The following PIBF1 variants were observed in gnomAD, a reference collection of about 807,000 sequenced individuals.
The protein encoded by PIBF1 is progesterone-induced-blocking factor 1.
PIBF1 carries 90 observed loss-of-function variants against 112.5 expected under a neutral mutation model. The observed-to-expected ratio is 0.80, with a 90% CI of 0.67 to 0.95. PIBF1 has a LOEUF of 0.95. PIBF1 is among the 40% of genes least tolerant of loss of function. PIBF1 has a pLI of 0.00. For missense variants in PIBF1, 915 were observed against 852.3 expected, an observed-to-expected ratio of 1.07 and a Z score of -0.92; for synonymous variants, 301 against 288.6, an observed-to-expected ratio of 1.04 and a Z score of -0.44.
At chr13:72,990,725 G>A (rs902719449) in intron 16 of PIBF1, among the ~76,000 whole-genome samples, 2 of 151,136 alleles carry the variant, frequency 1.3e-5, no homozygotes, top group African/African-American at 4.9e-5. Context: ...GCACATGCCT[G>A]TAATCCCAGC....
intron 12 of PIBF1, among the ~76,000 whole-genome samples, chr13:72,914,042 T>A (rs2040995345): frequency 6.6e-6 from 1 of 152,142 alleles, no homozygotes; most frequent in Non-Finnish European, 1.5e-5. Flanking sequence ...GAGCACAGAC[T>A]TTTTTTAGTA....
At chr13:72,875,366 C>A (rs970941350) in intron 10 of PIBF1, among the ~76,000 whole-genome samples, 1 of 152,116 alleles carries the variant, frequency 6.6e-6, no homozygotes, top group African/African-American at 2.4e-5. Flanking sequence ...TATAAACATC[C>A]TTGTGCAGTT....
intron 12 of PIBF1, among the ~76,000 whole-genome samples, chr13:72,909,585 C>T (rs1320262073): frequency 6.6e-6 from 1 of 151,620 alleles, no homozygotes; most frequent in Non-Finnish European, 1.5e-5. Context: ...ACCTCTGCCT[C>T]CCGGTTTCAA....
intron 13 of PIBF1, among the ~76,000 whole-genome samples, chr13:72,923,992 T>C (rs1225394406): frequency 6.6e-6 from 1 of 152,138 alleles, no homozygotes. Context: ...AATAAAGATC[T>C]TAGGACTTGT....
intron 16 of PIBF1, among the ~76,000 whole-genome samples, chr13:72,995,783 C>G (rs967124897): frequency 1.3e-5 from 2 of 151,884 alleles, no homozygotes; most frequent in Non-Finnish European, 2.9e-5. Context: ...AACCCCGTCT[C>G]TATTAAAAAT....
intron 6 of PIBF1, among the ~76,000 whole-genome samples, chr13:72,822,540 T>G (rs1026404668): frequency 9.9e-5 from 15 of 152,190 alleles, no homozygotes; most frequent in Admixed American, 5.2e-4. Context: ...TATGAGATGT[T>G]GCTAATACGG....
intron 10 of PIBF1, among the ~76,000 whole-genome samples, chr13:72,880,001 T>G (rs1055473666): frequency 5.9e-5 from 9 of 152,196 alleles, no homozygotes; most frequent in African/African-American, 2.2e-4. Context: ...TTTGGTCCTT[T>G]ACAAAACATG....
At chr13:72,924,993 A>G (rs1028984976) in intron 13 of PIBF1, among the ~76,000 whole-genome samples, 1 of 152,202 alleles carries the variant, frequency 6.6e-6, no homozygotes, top group Non-Finnish European at 1.5e-5. Context: ...CTGGAGGACC[A>G]AGAAAAGGCA....
At chr13:72,820,880 A>G (rs890074842) in intron 5 of PIBF1, among the ~76,000 whole-genome samples, 5 of 152,192 alleles carry the variant, frequency 3.3e-5, no homozygotes, top group African/African-American at 1.2e-4. Context: ...CCAGCTTCCC[A>G]TATTTAATCA....
At chr13:72,987,858 A>ATTTATTTATTTTTTTTTTTTTTTTTT (rs1345167411) in intron 16 of PIBF1, among the ~76,000 whole-genome samples, 1 of 58,136 alleles carries the variant, frequency 1.7e-5, no homozygotes, top group Admixed American at 2.4e-4. Flanking sequence ...TTATTTATTT[A>ATTTATTTATTTTTTTTTTTTTTTTTT]TTTTTTTTTT....
chr13:72,947,942 G>A (rs2042193539), intron 14 of PIBF1, among the ~76,000 whole-genome samples: 1 of 152,106 alleles, frequency 6.6e-6, no homozygotes, highest in African/African-American at 2.4e-5. Flanking sequence ...CATGGATGAA[G>A]CTGGAAACCA....
chr13:72,921,156 G>A (rs2041274296), intron 13 of PIBF1, among the ~76,000 whole-genome samples: 1 of 152,082 alleles, frequency 6.6e-6, no homozygotes, highest in South Asian at 2.1e-4. Context: ...AGGCTGGAGT[G>A]CAGTGGCATG....
chr13:72,860,308 G>GGGGTGT (rs1476594319), intron 10 of PIBF1, among the ~76,000 whole-genome samples: 1 of 143,148 alleles, frequency 7.0e-6, no homozygotes, highest in Non-Finnish European at 1.5e-5. Flanking sequence ...TTTTTTTAGG[G>GGGGTGT]GTGTGTGTGT....
At chr13:72,983,758 C>CT (rs1348272296) in intron 16 of PIBF1, among the ~76,000 whole-genome samples, 3 of 152,042 alleles carry the variant, frequency 2.0e-5, no homozygotes, top group African/African-American at 7.2e-5. Flanking sequence ...GTGTGTCACT[C>CT]TTTCGGTTCA....
intron 13 of PIBF1, among the ~76,000 whole-genome samples, chr13:72,928,014 T>TATATACAC (rs1555316957): frequency 1.7e-5 from 1 of 59,062 alleles, no homozygotes; most frequent in Non-Finnish European, 3.0e-5. Context: ...TACATATATA[T>TATATACAC]ACATATATAT....
At chr13:72,865,181 T>C (rs1028330850) in intron 10 of PIBF1, among the ~76,000 whole-genome samples, 15 of 152,214 alleles carry the variant, frequency 9.9e-5, no homozygotes, top group Non-Finnish European at 2.1e-4. Flanking sequence ...ATATGATGTA[T>C]CCTAGATAAT....
At chr13:72,855,410 A>C (rs563063443) in intron 10 of PIBF1, among the ~76,000 whole-genome samples, 1 of 152,296 alleles carries the variant, frequency 6.6e-6, no homozygotes, top group East Asian at 1.9e-4. Context: ...AGGCACTGGA[A>C]GGCTGAGGCA....
rs544079763 is a variant in PIBF1, at chr13:72,914,081, G to A, written c.1640-2995G>A. Among the ~76,000 whole-genome samples the A allele has an allele frequency of 7.1e-4, 108 of 152,136 alleles. 1 individual carries two copies. Among genetic ancestry groups the A allele is most frequent in the African/African-American group, 2.6e-3 (108 of 41,518 alleles). On this transcript the variant is annotated intron_variant, in intron 12 of 17. Transcript: ENST00000326291. ...CATTGTGTACAATTTTCAAAGGCTT[G>A]CCATTTAATTCAGGTAATTTCGGCT...
At chr13:73,014,529 T>C (rs1436216634) in intron 17 of PIBF1, among the ~76,000 whole-genome samples, 3 of 152,150 alleles carry the variant, frequency 2.0e-5, no homozygotes, top group South Asian at 2.1e-4. Context: ...ATAAAATGCA[T>C]AGTACCAAGA....
Sources: gnomAD v4.1 joint callset for allele counts (sites outside exome capture counted in the v4.1 genomes callset) on GRCh38, gnomAD v4.1.1 for gene constraint, MANE v1.5 for transcripts, NCBI Gene and HGNC (gene_info 2026-07-23, HGNC 2026-07-21) for gene names.